The following SERGEF variants were observed in gnomAD, a reference collection of about 807,000 sequenced individuals.
The protein encoded by SERGEF is secretion-regulating guanine nucleotide exchange factor.
SERGEF carries 51 observed loss-of-function variants against 50.0 expected under a neutral mutation model. The ratio of observed to expected loss-of-function variants is 1.02; its 90% CI spans 0.81 to 1.29. The LOEUF (loss-of-function observed/expected upper bound fraction) is 1.29. Among genes scored for constraint, SERGEF ranks in the 50% most tolerant of loss-of-function variants. The pLI is 0.00. For missense variants in SERGEF, 521 were observed against 557.0 expected (o/e 0.94, Z 0.65); for synonymous variants, 205 against 212.4 (o/e 0.97, Z 0.30).
intron 8 of SERGEF, among the ~76,000 whole-genome samples, chr11:17,977,673 T>C (rs1174154578): frequency 1.3e-5 from 2 of 152,082 alleles, no homozygotes; most frequent in African/African-American, 4.8e-5. Context: ...CCCTTAATAT[T>C]ATGGAGACAA....
intron 8 of SERGEF, among the ~76,000 whole-genome samples, chr11:17,984,161 G>A (rs544371781): frequency 2.0e-4 from 30 of 152,128 alleles, no homozygotes; most frequent in Non-Finnish European, 3.8e-4. Context: ...TGGGTTGGAG[G>A]GGAGAGGGAG....
rs567842512 is a variant in SERGEF, at chr11:17,848,332, G to A, written c.1048+29876C>T. Among the ~76,000 whole-genome samples the A allele has an allele frequency of 5.8e-4, 89 of 152,298 alleles. 1 individual carries two copies. Among genetic ancestry groups the A allele is most frequent in the Admixed American group, 1.4e-3 (21 of 15,288 alleles). ...GAGCAGATATTCATGGCGAGACAAGGGAGTAAAGGGAATTTCAGGAGGAAT... is the reference window on the plus strand; with the variant it reads ...GAGCAGATATTCATGGCGAGACAAGAGAGTAAAGGGAATTTCAGGAGGAAT... On this transcript the variant is annotated intron_variant, in intron 10 of 10. Coordinates refer to ENST00000265965, the MANE Select transcript of SERGEF (RefSeq NM_012139.4).
At chr11:18,003,904 T>C (rs995054347) in intron 4 of SERGEF, among the ~76,000 whole-genome samples, 1 of 152,220 alleles carries the variant, frequency 6.6e-6, no homozygotes, top group Non-Finnish European at 1.5e-5. Context: ...TGGTTGCTCA[T>C]CTCTGTGGAT....
rs533597121 is a variant in SERGEF at position 17,926,695 on chromosome 11, A to T, written c.1011+32775T>A. ...CTGAATTGATTGTTTCCTCTATCTG[A>T]ATCCCCACCTAATAAACCGTTTCAC... On this transcript the variant is annotated intron_variant, in intron 9 of 10. Coordinates refer to ENST00000265965, the MANE Select transcript of SERGEF (RefSeq NM_012139.4). 62 of 454,466 alleles carry T rather than the reference A, an allele frequency of 1.4e-4. 2 individuals are homozygous for T. Among genetic ancestry groups the T allele is most frequent in the South Asian group, 9.5e-4 (61 of 64,280 alleles). 28.2% of individuals were successfully genotyped at this position (454,466 alleles called of 1,614,324 possible). A position where few individuals can be genotyped will look rare whatever the true frequency, so the allele number is the denominator to read the frequency against.
chr11:17,970,290 A>G (rs150269432), intron 8 of SERGEF, among the ~76,000 whole-genome samples: 3 of 152,164 alleles, frequency 2.0e-5, no homozygotes, highest in African/African-American at 4.8e-5. Context: ...TCTGTAATCA[A>G]TGATCATTGA....
chr11:17,837,539 G>C (rs1044114300), intron 10 of SERGEF, among the ~76,000 whole-genome samples: 1 of 151,050 alleles, frequency 6.6e-6, no homozygotes, highest in African/African-American at 2.4e-5. Context: ...GCATATGTTG[G>C]CTCCCCTTTG....
chr11:17,820,425 C>T lies in SERGEF; in HGVS notation c.1049-32012G>A, dbSNP rs966776335. On this transcript the variant is annotated intron_variant, in intron 10 of 10. Transcript: ENST00000265965. ...CCAAAGGACAGACTTCTAAACAATT[C>T]TGGTCAGTGTGCCATGGGAGGAAGA... is the stretch of plus-strand genomic sequence containing the variant. Among the ~76,000 whole-genome samples, 4 of 152,226 alleles carry T rather than the reference C, an allele frequency of 2.6e-5. No individual in the cohort carries two copies. The East Asian group carries it at 7.7e-4, about 29-fold the overall frequency.
intron 8 of SERGEF, among the ~76,000 whole-genome samples, chr11:17,968,745 G>A (rs1853185571): frequency 6.6e-6 from 1 of 150,396 alleles, no homozygotes; most frequent in Non-Finnish European, 1.5e-5. Flanking sequence ...CTCCCATCAT[G>A]GAGCTTAAAT....
intron 9 of SERGEF, among the ~76,000 whole-genome samples, chr11:17,916,443 T>C (rs1299122031): frequency 1.3e-5 from 2 of 152,236 alleles, no homozygotes; most frequent in Non-Finnish European, 2.9e-5. Context: ...CAGAGATTTC[T>C]AGCTTTATCT....
At chr11:17,814,849 A>T (rs1849936375) in intron 10 of SERGEF, among the ~76,000 whole-genome samples, 1 of 152,070 alleles carries the variant, frequency 6.6e-6, no homozygotes, top group African/African-American at 2.4e-5. Context: ...AGTATGAACA[A>T]TTTTGCTCAT....
At chr11:17,799,596 T>G (rs1370361083) in intron 10 of SERGEF, among the ~76,000 whole-genome samples, 2 of 152,214 alleles carry the variant, frequency 1.3e-5, no homozygotes, top group Non-Finnish European at 2.9e-5. Flanking sequence ...CAAGCCTGTT[T>G]GGGAATCACC....
At chr11:17,789,963 T>G (rs532697141) in intron 10 of SERGEF, among the ~76,000 whole-genome samples, 60 of 152,268 alleles carry the variant, frequency 3.9e-4, no homozygotes, top group African/African-American at 1.3e-3. Context: ...CCACCCCGGG[T>G]GACAGAGCGA....
At chr11:17,894,510 T>C (rs1316729290) in intron 9 of SERGEF, among the ~76,000 whole-genome samples, 1 of 152,194 alleles carries the variant, frequency 6.6e-6, no homozygotes, top group East Asian at 1.9e-4. Context: ...TCTCTACTTA[T>C]TATTAAGTGG....
chr11:17,878,161 C>A (rs762138638), intron 10 of SERGEF, 47 bp downstream of exon 10: 2 of 1,385,050 alleles, frequency 1.4e-6, no homozygotes, highest in East Asian at 4.6e-5. Flanking sequence ...TCCAATTCTG[C>A]CACATGATTT....
At chr11:17,870,931 G>T (rs529470113) in intron 10 of SERGEF, among the ~76,000 whole-genome samples, 27 of 152,210 alleles carry the variant, frequency 1.8e-4, no homozygotes, top group African/African-American at 6.3e-4. Flanking sequence ...ACACATATAT[G>T]CAGTCTCTTG....
At chr11:17,910,193 A>ACTCTCT (rs1219567785) in intron 9 of SERGEF, among the ~76,000 whole-genome samples, 24,078 of 145,404 alleles carry the variant, frequency 0.17, 2,451 homozygotes, top group Non-Finnish European at 0.24. Flanking sequence ...ACACACACAC[A>ACTCTCT]CTCTCTCTCT....
intron 10 of SERGEF, among the ~76,000 whole-genome samples, chr11:17,870,302 C>T (rs1410140994): frequency 6.6e-6 from 1 of 152,208 alleles, no homozygotes; most frequent in African/African-American, 2.4e-5. Flanking sequence ...GGAGATTATG[C>T]TGGATTATCC....
chr11:17,928,555 G>A (rs1852291901), intron 9 of SERGEF, among the ~76,000 whole-genome samples: 1 of 152,070 alleles, frequency 6.6e-6, no homozygotes, highest in East Asian at 1.9e-4. Flanking sequence ...CTTGTCTCTA[G>A]CTATAGTGGC....
At chr11:17,819,856 T>G (rs1850044669) in intron 10 of SERGEF, among the ~76,000 whole-genome samples, 1 of 152,196 alleles carries the variant, frequency 6.6e-6, no homozygotes, top group Admixed American at 6.5e-5. Flanking sequence ...TTGTTGTTGT[T>G]GAGATAGGGT....
Sources: allele counts gnomAD v4.1 joint callset (sites outside exome capture counted in the v4.1 genomes callset), GRCh38; gene constraint gnomAD v4.1.1; transcripts MANE v1.5; gene names NCBI Gene and HGNC (gene_info 2026-07-23, HGNC 2026-07-21).